Variants in SLC9C2 observed in about 807,000 individuals in gnomAD.
SLC9C2 encodes the protein sodium/hydrogen exchanger 11.
A neutral mutation model predicts 140.2 loss-of-function variants in SLC9C2; 75 were observed. The ratio of observed to expected loss-of-function variants is 0.53; its 90% CI spans 0.44 to 0.65. The LOEUF is 0.65. Among genes scored for constraint, SLC9C2 ranks in the 30% least tolerant of loss-of-function variants. The probability of loss-of-function intolerance (pLI) is 0.00; values close to 1 mark genes in which losing one functional copy is unlikely to be tolerated. For synonymous variants in SLC9C2, 375 were observed against 420.9 expected, an observed-to-expected ratio of 0.89 and a Z score of 1.34; for missense variants, 1,074 against 1,331.8, an observed-to-expected ratio of 0.81 and a Z score of 3.01.
chr1:173,562,104 GA>G lies in SLC9C2; in HGVS notation c.1047-4597del, dbSNP rs1163972421. Reference sequence around the variant, plus strand: ...TTATATGCCCATTACAACTCTATAGGAAAAAAATTCATTAAGGTCATCGTTC... The same window carrying G: ...TTATATGCCCATTACAACTCTATAGGAAAAAATTCATTAAGGTCATCGTTC... On this transcript the variant is annotated intron_variant, in intron 9 of 27. Coordinates refer to ENST00000367714, the MANE Select transcript of SLC9C2 (RefSeq NM_178527.4). Among the ~76,000 whole-genome samples the G allele has an allele frequency of 2.6e-5, 4 of 152,136 alleles. No homozygotes were observed. The East Asian group carries it at 7.7e-4, about 29-fold the overall frequency.
chr1:173,583,356 C>T, intron 6 of SLC9C2, 150 bp downstream of exon 6: 1 of 504,774 alleles, frequency 2.0e-6, no homozygotes, highest in Non-Finnish European at 3.6e-6. Flanking sequence ...TGCAGATGGT[C>T]AACTATGATT....
At chr1:173,567,247 T>A (rs1487496513) in intron 9 of SLC9C2, among the ~76,000 whole-genome samples, 1 of 152,124 alleles carries the variant, frequency 6.6e-6, no homozygotes, top group African/African-American at 2.4e-5. Context: ...GGAAGATCTG[T>A]CCAATGGCAA....
rs556465320 is a variant in SLC9C2 at position 173,560,194 on chromosome 1, C to T, written c.1047-2686G>A. Among the ~76,000 whole-genome samples the T allele has an allele frequency of 3.9e-5, 6 of 152,226 alleles. No individual in the cohort carries two copies. The South Asian group carries it at 1.2e-3, about 32-fold the overall frequency. ...TTTTTTAGCTGAATAGAAGGAAGTT[C>T]ATACATAAAGAAGTGTAATACGAAA... On this transcript the variant is annotated intron_variant, in intron 9 of 27. Coordinates refer to ENST00000367714, the MANE Select transcript of SLC9C2 (RefSeq NM_178527.4).
chr1:173,582,772 C>A (rs1414807627), intron 6 of SLC9C2, among the ~76,000 whole-genome samples: 1 of 152,138 alleles, frequency 6.6e-6, no homozygotes, highest in Admixed American at 6.6e-5. Context: ...GCTTTAGCTG[C>A]AGGAATCTGG....
At position 173,524,922 on chromosome 1, in the gene SLC9C2, T is replaced by C; in HGVS notation, c.2371A>G (p.Met791Val). The C allele has an allele frequency of 6.2e-7, 1 of 1,613,848 alleles. No individual in the cohort carries two copies. The highest frequency in any genetic ancestry group is 8.5e-7 in the Non-Finnish European group (1 of 1,179,852). ...KQDAVKELVL[M>V]EHEGRDVVIA... Reference sequence around the variant, plus strand: ...ACAACATCACGACCCTCATGCTCCATGAGTACTACAGCAAAGAAAATAAAA... The same window carrying C: ...ACAACATCACGACCCTCATGCTCCACGAGTACTACAGCAAAGAAAATAAAA... Residue 791 changes from methionine (M) to valine (V), a missense_variant, in exon 20 of 28, where the codon ATG (methionine) becomes GTG (valine). Met to Val is a conservative substitution (Grantham distance 21). Transcript: ENST00000367714.
chr1:173,539,936 T>C (rs1162147112), intron 13 of SLC9C2, among the ~76,000 whole-genome samples: 1 of 152,216 alleles, frequency 6.6e-6, no homozygotes, highest in Non-Finnish European at 1.5e-5. Context: ...CCATGCCCAC[T>C]TTGCAATTGG....
intron 22 of SLC9C2, among the ~76,000 whole-genome samples, chr1:173,518,861 A>G (rs1660606023): frequency 6.6e-6 from 1 of 152,072 alleles, no homozygotes; most frequent in Non-Finnish European, 1.5e-5. Context: ...TTTTGCAAAC[A>G]AAGAAAAGAT....
chr1:173,514,189 G>A (rs917792522), intron 23 of SLC9C2, among the ~76,000 whole-genome samples: 1 of 152,204 alleles, frequency 6.6e-6, no homozygotes, highest in African/African-American at 2.4e-5. Flanking sequence ...TTGATCCAGA[G>A]CTGAGTTCAG....
At chr1:173,587,862 T>C in intron 4 of SLC9C2, 32 bp from the exon 5 acceptor site, 3 of 1,533,310 alleles carry the variant, frequency 2.0e-6, no homozygotes, top group South Asian at 1.2e-5. Context: ...AGTATTAGAC[T>C]TAACATCTAA....
intron 20 of SLC9C2, among the ~76,000 whole-genome samples, chr1:173,524,451 G>A (rs1430922381): frequency 6.6e-6 from 1 of 152,192 alleles, no homozygotes; most frequent in Non-Finnish European, 1.5e-5. Flanking sequence ...CTACATCGCT[G>A]TTCAAATCCC....
chr1:173,533,703 T>A lies in SLC9C2; in HGVS notation c.2069A>T (p.Tyr690Phe), dbSNP rs777207580. ...VIGIIDIFCVYFVKLRPDNLA... is the reference protein window; with the variant it reads ...VIGIIDIFCVFFVKLRPDNLA... ...GTTGTCTGGTCTCAATTTCACAAAGTATACACAAAAGATATCAATGATTCC... is the reference window on the plus strand; with the variant it reads ...GTTGTCTGGTCTCAATTTCACAAAGAATACACAAAAGATATCAATGATTCC... Residue 690 changes from tyrosine to phenylalanine, a missense_variant, in exon 17 of 28, where the codon TAC becomes TTC. By Grantham distance (22) the Tyr-to-Phe change is conservative (BLOSUM62 3). Coordinates refer to ENST00000367714, the MANE Select transcript of SLC9C2 (RefSeq NM_178527.4). 1 of 1,611,372 alleles carries A rather than the reference T, an allele frequency of 6.2e-7. No individual in the cohort carries two copies. Among genetic ancestry groups the A allele is most frequent in the South Asian group, 1.1e-5 (1 of 91,002 alleles).
chr1:173,501,505 C>CTTTTTTT (rs35363966), intron 27 of SLC9C2, among the ~76,000 whole-genome samples: 6 of 96,338 alleles, frequency 6.2e-5, no homozygotes, highest in African/African-American at 1.2e-4. Context: ...TTATTTGACT[C>CTTTTTTT]TTTTTTTTTT....
rs762016893 is a variant in SLC9C2, at chr1:173,587,760, T to C, written c.428A>G (p.Asn143Ser). 4 of 1,613,256 alleles carry C rather than the reference T, an allele frequency of 2.5e-6. No homozygotes were observed. The highest frequency in any genetic ancestry group is 1.3e-5 in the African/African-American group (1 of 75,012). The change falls in exon 5 of 28, where the codon AAT (asparagine) becomes AGT (serine). Residue 143 changes from asparagine to serine, a missense_variant. By Grantham distance (46) the Asn-to-Ser change is conservative. Coordinates refer to ENST00000367714, the MANE Select transcript of SLC9C2 (RefSeq NM_178527.4). ...AGATTGCAAATCCCATGAATCTTTA[T>C]TGAATTTTATAACGACATATCCAAT... ...IIIGYVVIKF[N>S]KDSWDLQSCL...
intron 14 of SLC9C2, among the ~76,000 whole-genome samples, chr1:173,536,406 T>C (rs1010284803): frequency 6.6e-6 from 1 of 152,212 alleles, no homozygotes; most frequent in Non-Finnish European, 1.5e-5. Flanking sequence ...ATCTATTATC[T>C]AATGTTTGCC....
intron 23 of SLC9C2, among the ~76,000 whole-genome samples, chr1:173,510,936 ATT>A (rs1660000358): frequency 6.6e-6 from 1 of 151,514 alleles, no homozygotes. Flanking sequence ...GGTTGAACTA[ATT>A]TACATTCCCA....
At chr1:173,517,796 C>A in intron 22 of SLC9C2, 92 bp from the exon 23 acceptor site, 2 of 1,090,060 alleles carry the variant, frequency 1.8e-6, no homozygotes, top group Non-Finnish European at 2.5e-6. Context: ...TTACAACTTT[C>A]CAATGGAAGG....
intron 9 of SLC9C2, among the ~76,000 whole-genome samples, chr1:173,571,010 C>G (rs1664811060): frequency 6.6e-6 from 1 of 152,152 alleles, no homozygotes; most frequent in Admixed American, 6.5e-5. Context: ...TGTGATCACT[C>G]ACTTGATTTT....
intron 10 of SLC9C2, among the ~76,000 whole-genome samples, chr1:173,556,681 C>T (rs1663728058): frequency 6.6e-6 from 1 of 151,946 alleles, no homozygotes; most frequent in African/African-American, 2.4e-5. Flanking sequence ...TGAGTGGAGG[C>T]CGAGACAGGT....
chr1:173,506,865 G>C lies in SLC9C2; in HGVS notation c.3216C>G (p.Thr1072=). Residue 1072 remains threonine, a synonymous_variant, in exon 25 of 28, where the codon ACC becomes ACG. Transcript: ENST00000367714. The part of the protein sequence containing the change: ...PYFAPCIIPT[T]CEQVQGTSDL... ...AAATGATATTTCTTACCTGCTCACA[G>C]GTTGTAGGTATAATGCAAGGTGCAA... is the stretch of plus-strand genomic sequence containing the variant. The C allele has an allele frequency of 6.2e-7, 1 of 1,612,674 alleles. No individual in the cohort carries two copies. Among genetic ancestry groups the C allele is most frequent in the Non-Finnish European group, 8.5e-7 (1 of 1,179,368 alleles).
Sources: allele counts gnomAD v4.1 joint callset (sites outside exome capture counted in the v4.1 genomes callset), GRCh38; gene constraint gnomAD v4.1.1; transcripts MANE v1.5; gene names NCBI Gene and HGNC (gene_info 2026-07-23, HGNC 2026-07-21).